The following TPCN1 variants were observed in gnomAD, a reference collection of about 807,000 sequenced individuals.
The protein encoded by TPCN1 is two pore channel protein 1.
A neutral mutation model predicts 108.8 loss-of-function variants in TPCN1; 52 were observed. That is an observed-to-expected ratio of 0.48 (90% CI 0.38 to 0.60). The LOEUF is 0.60. TPCN1 is among the 20% of genes least tolerant of loss of function. The pLI is 0.00. For missense variants in TPCN1, 806 were observed against 1,072.8 expected (o/e 0.75, Z 3.47); for synonymous variants, 446 against 433.7 (o/e 1.03, Z -0.35).
intron 2 of TPCN1, among the ~76,000 whole-genome samples, chr12:113,241,250 T>G (rs1192170499): frequency 6.6e-6 from 1 of 152,236 alleles, no homozygotes; most frequent in Admixed American, 6.5e-5. Flanking sequence ...CATCAAGCTC[T>G]CTGTGGGATG....
rs1566189574 is a variant in TPCN1 at position 113,279,384 on chromosome 12, TA to T, written c.1297+550del. ...GTATATATATATATATATATATATATATATATATTTTTTTTTTTTTTTTTTT... is the reference window on the plus strand; with the variant it reads ...GTATATATATATATATATATATATATTATATATTTTTTTTTTTTTTTTTTT... On this transcript the variant is annotated intron_variant, in intron 14 of 27. Coordinates refer to ENST00000335509, the MANE Select transcript of TPCN1 (RefSeq NM_017901.6). Among the ~76,000 whole-genome samples, 154 of 40,672 alleles carry T rather than the reference TA, an allele frequency of 3.8e-3. 1 individual carries two copies. The highest frequency in any genetic ancestry group is 0.012 in the African/African-American group (102 of 8,684). The allele number at this position is 40,672 out of a possible 152,430, so 26.7% of individuals were successfully genotyped here.
chr12:113,233,332 G>A (rs765577609), intron 2 of TPCN1, among the ~76,000 whole-genome samples: 7 of 152,322 alleles, frequency 4.6e-5, no homozygotes, highest in East Asian at 1.9e-4. Context: ...CTCTGAGAGC[G>A]CTTCATGAGC....
chr12:113,244,578 C>T, intron 2 of TPCN1: 1 of 985,434 alleles, frequency 1.0e-6, no homozygotes, highest in Non-Finnish European at 1.2e-6. Flanking sequence ...AGCATGGTGG[C>T]AACGCTGTGC....
At chr12:113,277,412 A>T in intron 12 of TPCN1, 48 bp downstream of exon 12, 1 of 1,609,134 alleles carries the variant, frequency 6.2e-7, no homozygotes, top group Non-Finnish European at 8.5e-7. Context: ...CAAGGTGTTC[A>T]CGTCTAGAGT....
chr12:113,226,606 C>T (rs528239964), intron 1 of TPCN1, 122 bp from the exon 2 acceptor site: 3 of 827,550 alleles, frequency 3.6e-6, no homozygotes, highest in East Asian at 5.4e-5. Context: ...AAAGAGTATA[C>T]TTGAGTGGTT....
Position 113,278,800 on chromosome 12 carries a change from A to T in TPCN1, c.1262A>T (p.Asp421Val), listed in dbSNP as rs750080046. ...AAGAAAAACAGAGAGCACTGGTTTG[A>T]TGAGCTTCCCAGGACGGCGCTCCTC... ...KAKKNREHWF[D>V]ELPRTALLIF... The change falls in exon 14 of 28, where the codon GAT (aspartate) becomes GTT (valine). Residue 421 changes from aspartate (D) to valine (V), a missense_variant. Physicochemically the swap from Asp to Val is radical, Grantham distance 152. Coordinates refer to ENST00000335509, the MANE Select transcript of TPCN1 (RefSeq NM_017901.6). 61 of 1,613,924 alleles carry T rather than the reference A, an allele frequency of 3.8e-5. No homozygotes were observed. The highest frequency in any genetic ancestry group is 2.0e-5 in the Non-Finnish European group (24 of 1,179,938).
chr12:113,245,625 A>AGGTT lies in TPCN1; in HGVS notation c.113-14743_113-14742insGGTT, dbSNP rs1376765055. On this transcript the variant is annotated intron_variant, in intron 2 of 27. Transcript: ENST00000335509. Reference sequence around the variant, plus strand: ...CAAAAAAAAAAAAAAAAAAAAAGAAAAGAAAAGGGGTAGGCCCCTCAGTAT... The same window carrying AGGTT: ...CAAAAAAAAAAAAAAAAAAAAAGAAAGGTTAGAAAAGGGGTAGGCCCCTCAGTAT... Among the ~76,000 whole-genome samples, 19 of 120,740 alleles carry AGGTT rather than the reference A, an allele frequency of 1.6e-4. 1 individual carries two copies. Among genetic ancestry groups the AGGTT allele is most frequent in the African/African-American group, 5.6e-4 (16 of 28,610 alleles). 79.2% of individuals were successfully genotyped at this position (120,740 alleles called of 152,430 possible). A position where few individuals can be genotyped will look rare whatever the true frequency, so the allele number is the denominator to read the frequency against.
rs1278022681 is a variant in TPCN1, at chr12:113,293,354, G to A, written c.2334+5G>A. On this transcript the variant is annotated splice_donor_5th_base_variant and intron_variant, in intron 27 of 27. Coordinates refer to ENST00000335509, the MANE Select transcript of TPCN1 (RefSeq NM_017901.6). ...ATGTACCAGGAGGAGATCCAGGTAGGAGCCTGGCCGACCACGCTGCGAATC... is the reference window on the plus strand; with the variant it reads ...ATGTACCAGGAGGAGATCCAGGTAGAAGCCTGGCCGACCACGCTGCGAATC... 2 of 1,613,622 alleles carry A rather than the reference G, an allele frequency of 1.2e-6. No individual in the cohort carries two copies. Among genetic ancestry groups the A allele is most frequent in the Admixed American group, 3.3e-5 (2 of 60,024 alleles).
Position 113,288,222 on chromosome 12 carries a change from C to CCCGGATGGCCAGGTACTG in TPCN1, c.1697_1706+8dup. On this transcript the variant is annotated inframe_insertion, in exon 20 of 28. Transcript: ENST00000335509. This position sits in a 1 kb window ranked among gnomAD's most constrained non-coding sequence, Gnocchi z 4.8. ...CTGGACACCATGTTCGAGCTGCTGC[C>CCCGGATGGCCAGGTACTG]CCGGATGGCCAGGTACTGCCAGCCC... is the stretch of plus-strand genomic sequence containing the variant. 6.2e-7 allele frequency: 1 copy of CCCGGATGGCCAGGTACTG among 1,613,874 alleles called. No homozygotes were observed. The highest frequency in any genetic ancestry group is 8.5e-7 in the Non-Finnish European group (1 of 1,179,944).
chr12:113,264,395 TG>T (rs1473120581), intron 3 of TPCN1, among the ~76,000 whole-genome samples: 1 of 152,126 alleles, frequency 6.6e-6, no homozygotes, highest in Admixed American at 6.6e-5. Flanking sequence ...TTTGTGAGAA[TG>T]GGCCGAGCAT....
intron 15 of TPCN1, 199 bp downstream of exon 15, chr12:113,280,394 C>T: frequency 2.1e-6 from 1 of 472,350 alleles, no homozygotes; most frequent in Non-Finnish European, 3.8e-6. Flanking sequence ...TTCACTCCGG[C>T]TCATCATCCT....
intron 2 of TPCN1, among the ~76,000 whole-genome samples, chr12:113,257,397 A>G (rs576490816): frequency 1.3e-5 from 2 of 152,152 alleles, no homozygotes; most frequent in East Asian, 3.9e-4. Flanking sequence ...AGGCTGAGGC[A>G]GGAGGATCAC....
intron 15 of TPCN1, 100 bp downstream of exon 15, chr12:113,280,295 TG>T: frequency 2.1e-6 from 2 of 936,098 alleles, no homozygotes; most frequent in East Asian, 5.0e-5. Flanking sequence ...GTCCTGTGTT[TG>T]ACTTTTTATT....
intron 2 of TPCN1, among the ~76,000 whole-genome samples, chr12:113,252,993 T>C (rs1296183030): frequency 1.3e-5 from 2 of 152,190 alleles, no homozygotes; most frequent in Non-Finnish European, 2.9e-5. Context: ...TTTTTGGTCC[T>C]TTTGGCACTA....
chr12:113,259,346 A>G (rs1268454502), intron 2 of TPCN1, among the ~76,000 whole-genome samples: 1 of 152,054 alleles, frequency 6.6e-6, no homozygotes, highest in Non-Finnish European at 1.5e-5. Flanking sequence ...TTTCTCTCAG[A>G]TTCACTTCTT....
chr12:113,252,909 A>G (rs1954700058), intron 2 of TPCN1, among the ~76,000 whole-genome samples: 1 of 152,196 alleles, frequency 6.6e-6, no homozygotes, highest in Non-Finnish European at 1.5e-5. Flanking sequence ...GGTCAGAATT[A>G]CCAAGTTCAA....
intron 2 of TPCN1, among the ~76,000 whole-genome samples, chr12:113,234,613 T>C (rs866782217): frequency 6.6e-6 from 1 of 152,104 alleles, no homozygotes; most frequent in Middle Eastern, 3.2e-3. Flanking sequence ...ATTTATCTCC[T>C]TGTAAAAAGT....
In TPCN1 at chr12:113,226,911, G is replaced by T. The variant is rs773193279; in HGVS notation, c.59G>T (p.Ser20Ile). The T allele has an allele frequency of 1.5e-5, 25 of 1,614,062 alleles. No individual in the cohort carries two copies. In the South Asian group the frequency reaches 2.7e-4, roughly 18 times the overall value. ...PLILTLDEGG[S>I]APLAPSNGLG... The stretch of plus-strand genomic sequence containing the variant: ...ATCCTGACCTTGGATGAGGGTGGCA[G>T]TGCCCCACTGGCTCCCTCCAACGGC... Residue 20 changes from serine to isoleucine, a missense_variant, in exon 2 of 28, where the codon AGT becomes ATT. Ser to Ile is a moderately radical substitution (Grantham distance 142). Coordinates refer to ENST00000335509, the MANE Select transcript of TPCN1 (RefSeq NM_017901.6).
intron 2 of TPCN1, among the ~76,000 whole-genome samples, chr12:113,229,585 T>C (rs1299151348): frequency 6.6e-6 from 1 of 152,214 alleles, no homozygotes; most frequent in African/African-American, 2.4e-5. Flanking sequence ...GCCTCCCGTG[T>C]TCAAGCAATT....
Sources: gnomAD v4.1 joint callset for allele counts (sites outside exome capture counted in the v4.1 genomes callset) on GRCh38, gnomAD v4.1.1 for gene constraint, Gnocchi (gnomAD v3.1) non-coding constraint, MANE v1.5 for transcripts, NCBI Gene and HGNC (gene_info 2026-07-23, HGNC 2026-07-21) for gene names.